The following COL4A2 variants were observed in gnomAD, a reference collection of about 807,000 sequenced individuals.
COL4A2 encodes collagen type IV alpha 2 chain.
A neutral mutation model predicts 200.2 loss-of-function variants in COL4A2; 99 were observed. That is an observed-to-expected ratio of 0.49 (90% CI 0.42 to 0.58). The LOEUF is 0.58. Ranked by LOEUF, COL4A2 falls within the 20% of genes least tolerant of loss-of-function variation. COL4A2 has a pLI of 0.00. For missense variants in COL4A2, 1,950 were observed against 2,314.1 expected, an observed-to-expected ratio of 0.84 and a Z score of 3.23; for synonymous variants, 897 against 900.6, an observed-to-expected ratio of 1.00 and a Z score of 0.07.
intron 28 of COL4A2, among the ~76,000 whole-genome samples, chr13:110,470,609 C>G (rs1482533678): frequency 6.6e-6 from 1 of 152,192 alleles, no homozygotes; most frequent in Non-Finnish European, 1.5e-5. Flanking sequence ...AGGACCCCCA[C>G]TTATCAGGAT....
At chr13:110,491,640 T>C (rs1594106118) in intron 37 of COL4A2, among the ~76,000 whole-genome samples, 1 of 152,120 alleles carries the variant, frequency 6.6e-6, no homozygotes, top group Non-Finnish European at 1.5e-5. Context: ...TTTGCTTGCA[T>C]TGAATATGCA....
At chr13:110,315,548 A>C (rs974013655) in intron 3 of COL4A2, among the ~76,000 whole-genome samples, 1 of 152,092 alleles carries the variant, frequency 6.6e-6, no homozygotes, top group Non-Finnish European at 1.5e-5. Context: ...GGCACGAGTC[A>C]CCATTCTCAG....
chr13:110,463,857 C>A (rs1423069649), intron 24 of COL4A2, among the ~76,000 whole-genome samples: 1 of 152,168 alleles, frequency 6.6e-6, no homozygotes, highest in Non-Finnish European at 1.5e-5. Context: ...AATTTAAGTG[C>A]AGTTTTTTGG....
chr13:110,319,777 A>G (rs957727672), intron 3 of COL4A2, among the ~76,000 whole-genome samples: 3 of 152,040 alleles, frequency 2.0e-5, no homozygotes, highest in Admixed American at 1.3e-4. Context: ...TCTGAAATCC[A>G]CCTTCCTTTC....
intron 10 of COL4A2, among the ~76,000 whole-genome samples, chr13:110,432,122 G>T (rs1359189540): frequency 6.6e-6 from 1 of 152,156 alleles, no homozygotes. Flanking sequence ...GTAGACAGCC[G>T]GCAGATTCTG....
intron 24 of COL4A2, among the ~76,000 whole-genome samples, chr13:110,463,974 A>G (rs1166751953): frequency 6.6e-6 from 1 of 152,204 alleles, no homozygotes; most frequent in Non-Finnish European, 1.5e-5. Flanking sequence ...TTTAGCCAGA[A>G]GAGGAGGATG....
At position 110,462,194 on chromosome 13, in the gene COL4A2, C is replaced by T. The variant is rs1307200095; in HGVS notation, c.1669+8C>T. The stretch of plus-strand genomic sequence containing the variant: ...GAACAATCACAACCAAAGGTGAGTT[C>T]CTCTCTGGCCACGCGGCCCCTGGGG... On this transcript the variant is annotated splice_region_variant and intron_variant, in intron 23 of 47. Coordinates refer to ENST00000360467, the MANE Select transcript of COL4A2 (RefSeq NM_001846.4). The T allele has an allele frequency of 6.2e-7, 1 of 1,614,146 alleles. No individual in the cohort carries two copies. Among genetic ancestry groups the T allele is most frequent in the African/African-American group, 1.3e-5 (1 of 74,950 alleles).
chr13:110,424,716 C>A lies in COL4A2; in HGVS notation c.181-18C>A, dbSNP rs200140203. 2,408 of 1,556,036 alleles carry A rather than the reference C, an allele frequency of 1.5e-3. 1 individual carries two copies. Among genetic ancestry groups the A allele is most frequent in the Non-Finnish European group, 2.0e-3 (2,278 of 1,140,118 alleles). ...ATTGTGATTAATCGTGGAAATTGAA[C>A]CTTTGTTGTTCCCACAGGGTCAGCC... On this transcript the variant is annotated intron_variant, in intron 4 of 47. Coordinates refer to ENST00000360467, the MANE Select transcript of COL4A2 (RefSeq NM_001846.4).
intron 4 of COL4A2, among the ~76,000 whole-genome samples, chr13:110,412,736 C>A (rs1879891754): frequency 6.6e-6 from 1 of 152,192 alleles, no homozygotes; most frequent in African/African-American, 2.4e-5. Context: ...TCAAATGTTA[C>A]CAGAACTAAA....
chr13:110,390,335 G>A (rs1014955510), intron 4 of COL4A2, among the ~76,000 whole-genome samples: 3 of 152,248 alleles, frequency 2.0e-5, no homozygotes, highest in African/African-American at 7.2e-5. Flanking sequence ...GAAGGTGGCT[G>A]GAGTCTCTGT....
chr13:110,465,650 T>G, intron 25 of COL4A2, 44 bp downstream of exon 25: 1 of 1,480,192 alleles, frequency 6.8e-7, no homozygotes, highest in Non-Finnish European at 9.2e-7. Context: ...TCCTGAGACA[T>G]TCCACGCTTT....
intron 40 of COL4A2, 61 bp downstream of exon 40, chr13:110,495,528 G>A: frequency 3.2e-6 from 5 of 1,578,466 alleles, no homozygotes; most frequent in East Asian, 2.2e-5. Context: ...ACCCAGAGGT[G>A]GGGCCATGGA....
At chr13:110,422,919 T>C (rs933424815) in intron 4 of COL4A2, among the ~76,000 whole-genome samples, 7 of 152,122 alleles carry the variant, frequency 4.6e-5, no homozygotes, top group African/African-American at 7.2e-5. Context: ...ACTTCAACTG[T>C]GTGGATTGCT....
chr13:110,339,081 C>G (rs1357259127), intron 3 of COL4A2, among the ~76,000 whole-genome samples: 2 of 152,154 alleles, frequency 1.3e-5, no homozygotes, highest in Non-Finnish European at 2.9e-5. Context: ...ATGATGGGGC[C>G]AGCTCTTTAA....
intron 16 of COL4A2, among the ~76,000 whole-genome samples, chr13:110,444,501 G>A (rs144893371): frequency 3.9e-5 from 6 of 152,312 alleles, no homozygotes; most frequent in Admixed American, 1.3e-4. Context: ...TGAGTCTTCA[G>A]CTCCACCTAG....
chr13:110,450,766 G>A (rs1024930288), intron 20 of COL4A2, among the ~76,000 whole-genome samples: 1 of 152,228 alleles, frequency 6.6e-6, no homozygotes, highest in Non-Finnish European at 1.5e-5. Context: ...GAGCTGCGCA[G>A]TCTGGAAACA....
intron 47 of COL4A2, among the ~76,000 whole-genome samples, chr13:110,511,211 C>A (rs1384734682): frequency 1.4e-5 from 2 of 145,368 alleles, no homozygotes; most frequent in African/African-American, 2.6e-5. Flanking sequence ...CATGTTGATG[C>A]AACAGAAAGT....
chr13:110,430,866 G>T, intron 10 of COL4A2: 1 of 685,982 alleles, frequency 1.5e-6, no homozygotes, highest in East Asian at 3.0e-5. Context: ...CCGGCAGGGT[G>T]CCCTTCCATC....
At chr13:110,468,317 C>A (rs571146097) in intron 27 of COL4A2, 1 of 466,892 alleles carries the variant, frequency 2.1e-6, no homozygotes, top group Non-Finnish European at 4.5e-6. Flanking sequence ...GACCTGCCCC[C>A]GGTCTAATTC....
Sources: gnomAD v4.1 joint callset for allele counts (sites outside exome capture counted in the v4.1 genomes callset) on GRCh38, gnomAD v4.1.1 for gene constraint, MANE v1.5 for transcripts, NCBI Gene and HGNC (gene_info 2026-07-23, HGNC 2026-07-21) for gene names.